CDH5: variants seen among roughly 807,000 people sequenced by gnomAD.
The protein encoded by CDH5 is cadherin 5, also known as cadherin-5.
A neutral mutation model predicts 62.0 loss-of-function variants in CDH5; 28 were observed. The ratio of observed to expected loss-of-function variants is 0.45; its 90% CI spans 0.33 to 0.62. CDH5 has a LOEUF of 0.62. Ranked by LOEUF, CDH5 falls within the 20% of genes least tolerant of loss-of-function variation. The pLI, the probability that CDH5 is intolerant of heterozygous loss-of-function variation, is 0.02. For missense variants in CDH5, 940 were observed against 1,065.1 expected (o/e 0.88, Z 1.63); for synonymous variants, 464 against 445.8 (o/e 1.04, Z -0.52).
intron 2 of CDH5, among the ~76,000 whole-genome samples, chr16:66,382,505 G>A (rs375326396): frequency 2.0e-5 from 3 of 152,148 alleles, no homozygotes; most frequent in East Asian, 1.9e-4. Context: ...CATCCTTCCC[G>A]GTGGGATAAT....
intron 11 of CDH5, 111 bp from the exon 12 acceptor site, chr16:66,402,513 GGGGAAGGGGGGGCCAAAGGGATGGGCAT>G: frequency 1.4e-6 from 1 of 693,990 alleles, no homozygotes; most frequent in Non-Finnish European, 2.3e-6. Context: ...TGGGGTTGCA[GGGGAAGGGGGGGCCAAAGGGATGGGCAT>G]GCTGGGAGGG....
intron 5 of CDH5, 74 bp from the exon 6 acceptor site, chr16:66,390,329 G>T: frequency 9.0e-7 from 1 of 1,113,966 alleles, no homozygotes; most frequent in Non-Finnish European, 1.3e-6. Flanking sequence ...AAATATGTTA[G>T]AATAGCTGAA....
intron 8 of CDH5, among the ~76,000 whole-genome samples, 168 bp from the exon 9 acceptor site, chr16:66,397,814 C>T (rs1166824181): frequency 6.6e-6 from 1 of 151,954 alleles, no homozygotes; most frequent in Admixed American, 6.6e-5. Flanking sequence ...GATTTAACAC[C>T]TCCCCCCACC....
intron 6 of CDH5, among the ~76,000 whole-genome samples, chr16:66,391,015 A>C (rs1433924783): frequency 1.3e-5 from 2 of 152,210 alleles, no homozygotes; most frequent in Non-Finnish European, 2.9e-5. Flanking sequence ...ATCCATCAGC[A>C]TGAAGAAAAC....
At chr16:66,402,515 G>A in intron 11 of CDH5, 137 bp from the exon 12 acceptor site, 2 of 699,846 alleles carry the variant, frequency 2.9e-6, no homozygotes, top group Non-Finnish European at 4.5e-6. Flanking sequence ...GGGTTGCAGG[G>A]GAAGGGGGGG....
chr16:66,374,725 C>A (rs1336702496), intron 1 of CDH5, among the ~76,000 whole-genome samples: 3 of 149,760 alleles, frequency 2.0e-5, no homozygotes, highest in Admixed American at 2.0e-4. Flanking sequence ...AAGGAAGGAA[C>A]CTCATTTTAT....
intron 2 of CDH5, 78 bp downstream of exon 2, chr16:66,379,625 G>A (rs557934230): frequency 1.6e-6 from 2 of 1,217,722 alleles, no homozygotes; most frequent in South Asian, 2.5e-5. Context: ...GATGGCGATG[G>A]TGGCAAAGGT....
chr16:66,398,551 G>T lies in CDH5; in HGVS notation c.1581G>T (p.Thr527=). 1.3e-6 allele frequency: 2 copies of T among 1,528,174 alleles called. No homozygotes were observed. The highest frequency in any genetic ancestry group is 1.8e-6 in the Non-Finnish European group (2 of 1,101,668). 94.7% of individuals were successfully genotyped at this position (1,528,174 alleles called of 1,614,324 possible). A position where few individuals can be genotyped will look rare whatever the true frequency, so the allele number is the denominator to read the frequency against. Residue 527 remains threonine (T), a synonymous_variant, in exon 10 of 12, where the codon ACG becomes ACT. Coordinates refer to ENST00000341529, the MANE Select transcript of CDH5 (RefSeq NM_001795.5). ...ILNTENNFTL[T]DNHDNTANIT... ...ATACTGAGAACAACTTTACCCTCAC[G>T]GATAATCACGGTAGGCATCAAAGTA... is the stretch of plus-strand genomic sequence containing the variant.
At chr16:66,394,323 A>C (rs1972838) in intron 7 of CDH5, among the ~76,000 whole-genome samples, 109,183 of 152,028 alleles carry the variant, frequency 0.72, 39,416 homozygotes, top group East Asian at 0.81. Context: ...TGCAAATTTT[A>C]CAACCTTTAC....
chr16:66,378,774 G>A (rs1294085746), intron 1 of CDH5, among the ~76,000 whole-genome samples: 4 of 152,150 alleles, frequency 2.6e-5, no homozygotes, highest in Admixed American at 6.5e-5. Flanking sequence ...TGGTTTCCAC[G>A]TCTATTTTCA....
In CDH5 at chr16:66,402,658, C is replaced by T. The variant is rs753364618; in HGVS notation, c.1844C>T (p.Thr615Ile). ...CTCGGCTCCCTGGCTGCAGTGATCA[C>T]CCTGCTCATCTTCCTGCGGCGGCGG... ...LLCILTITVI[T>I]LLIFLRRRLR... The change falls in exon 12 of 12, where the codon ACC becomes ATC. Residue 615 changes from threonine (T) to isoleucine (I), a missense_variant. Transcript: ENST00000341529. 2 of 1,590,912 alleles carry T rather than the reference C, an allele frequency of 1.3e-6. No individual in the cohort carries two copies. The highest frequency in any genetic ancestry group is 2.2e-5 in the East Asian group (1 of 44,660).
At chr16:66,373,195 C>T (rs150991352) in intron 1 of CDH5, among the ~76,000 whole-genome samples, 6 of 152,218 alleles carry the variant, frequency 3.9e-5, no homozygotes, top group Non-Finnish European at 7.4e-5. Flanking sequence ...CTGCTGAGAA[C>T]GACCGAGAGA....
At chr16:66,390,706 A>C in intron 6 of CDH5, 116 bp downstream of exon 6, 3 of 950,386 alleles carry the variant, frequency 3.2e-6, no homozygotes, top group Non-Finnish European at 4.7e-6. Flanking sequence ...TCAAAGCTCC[A>C]AGGTGGTCAT....
In CDH5 at chr16:66,392,241, G is replaced by A. The variant is rs146820626; in HGVS notation, c.1075G>A (p.Val359Ile). ...CCCTCCCGCGGGAAACAGAGCCCAG[G>A]TCATTATCAACATCACAGATGTGGA... ...MSPPAGNRAQ[V>I]IINITDVDEP... Residue 359 changes from valine to isoleucine, a missense_variant, in exon 7 of 12, where the codon GTC (valine) becomes ATC (isoleucine). Physicochemically the swap from Val to Ile is conservative, Grantham distance 29. Transcript: ENST00000341529. The A allele has an allele frequency of 1.8e-3, 2,912 of 1,614,028 alleles. 5 individuals are homozygous for A. The highest frequency in any genetic ancestry group is 2.5e-3 in the South Asian group (226 of 91,050).
In CDH5 at chr16:66,388,361, C is replaced by T. The variant is rs112611173; in HGVS notation, c.537C>T (p.Asp179=). Residue 179 remains aspartate (D), a synonymous_variant, in exon 4 of 12, where the codon GAC becomes GAT. Transcript: ENST00000341529. ...SVISVTAVDA[D]DPTVGDHASV... Reference sequence around the variant, plus strand: ...TCTCTGTGACAGCAGTGGATGCAGACGACCCCACTGTGGGAGACCACGCCT... The same window carrying T: ...TCTCTGTGACAGCAGTGGATGCAGATGACCCCACTGTGGGAGACCACGCCT... 113 of 1,613,782 alleles carry T rather than the reference C, an allele frequency of 7.0e-5. No individual in the cohort carries two copies. Among genetic ancestry groups the T allele is most frequent in the African/African-American group, 3.7e-4 (28 of 75,056 alleles).
chr16:66,370,870 G>A (rs1214729269), intron 1 of CDH5, among the ~76,000 whole-genome samples: 1 of 152,230 alleles, frequency 6.6e-6, no homozygotes, highest in African/African-American at 2.4e-5. Flanking sequence ...CTCGAGGCTG[G>A]AAGGGGCAGG....
intron 1 of CDH5, chr16:66,377,128 T>TG (rs1291750685): frequency 6.6e-6 from 1 of 152,264 alleles, no homozygotes; most frequent in Non-Finnish European, 1.5e-5. Context: ...CCACAGGGTC[T>TG]GGGTCCAGTG....
chr16:66,381,886 G>T (rs976146129), intron 2 of CDH5, among the ~76,000 whole-genome samples: 2 of 152,226 alleles, frequency 1.3e-5, no homozygotes, highest in East Asian at 1.9e-4. Flanking sequence ...TGACCATAAG[G>T]CTACAAATAT....
intron 1 of CDH5, among the ~76,000 whole-genome samples, chr16:66,372,139 C>G (rs1207849978): frequency 6.6e-6 from 1 of 152,170 alleles, no homozygotes; most frequent in Non-Finnish European, 1.5e-5. Flanking sequence ...GTCCTCAGAC[C>G]CATCAGGGCC....
Sources: allele counts gnomAD v4.1 joint callset (sites outside exome capture counted in the v4.1 genomes callset), GRCh38; gene constraint gnomAD v4.1.1; transcripts MANE v1.5; gene names NCBI Gene and HGNC (gene_info 2026-07-23, HGNC 2026-07-21).